INTS1: variants seen among roughly 807,000 people sequenced by gnomAD.
INTS1 encodes the protein integrator complex subunit 1.
In INTS1, 137 loss-of-function variants were observed where a neutral mutation model predicts 241.6. The observed-to-expected ratio is 0.57, with a 90% CI of 0.49 to 0.65. The LOEUF (loss-of-function observed/expected upper bound fraction) is 0.65, where lower values mean the gene tolerates loss of function less well. Among genes scored for constraint, INTS1 ranks in the 30% least tolerant of loss-of-function variants. The pLI is 0.00. For missense variants in INTS1, 3,073 were observed against 3,032.2 expected (o/e 1.01, Z -0.32); for synonymous variants, 1,692 against 1,337.8 (o/e 1.26, Z -5.78).
intron 14 of INTS1, chr7:1,494,383 A>G: frequency 4.1e-6 from 1 of 245,560 alleles, no homozygotes; most frequent in Non-Finnish European, 8.0e-6. Context: ...AGGGGAGTGT[A>G]GACCAAGAAC....
At chr7:1,486,547 G>A in intron 22 of INTS1, 78 bp downstream of exon 22, 3 of 1,490,062 alleles carry the variant, frequency 2.0e-6, no homozygotes, top group East Asian at 2.5e-5. Flanking sequence ...TGACAGGCGT[G>A]AGCCACCGTG....
At position 1,497,370 on chromosome 7, in the gene INTS1, G is replaced by A. The variant is rs1782915058; in HGVS notation, c.1426-56C>T. On this transcript the variant is annotated intron_variant, in intron 10 of 47. Transcript: ENST00000404767. This position sits in a 1 kb window ranked among gnomAD's most constrained non-coding sequence, Gnocchi z 5.3. ...GCCCGACAGTGCTGTCCCTGTCACA[G>A]GCCCCTTCCCGCAGCACCAACAGGT... 1.3e-6 allele frequency: 2 copies of A among 1,549,028 alleles called. No individual in the cohort carries two copies. Among genetic ancestry groups the A allele is most frequent in the Non-Finnish European group, 1.7e-6 (2 of 1,145,220 alleles).
Position 1,486,715 on chromosome 7 carries a change from C to T in INTS1, c.2886G>A (p.Lys962=), listed in dbSNP as rs765006028. Residue 962 remains lysine, a synonymous_variant, in exon 22 of 48, where the codon AAG becomes AAA. Coordinates refer to ENST00000404767, the MANE Select transcript of INTS1 (RefSeq NM_001080453.3). ...CCTCACACGTGGTCTGCTCATCAGCCTTCGGGCCCAGTAGCAGGTCCTGCA... is the reference window on the plus strand; with the variant it reads ...CCTCACACGTGGTCTGCTCATCAGCTTTCGGGCCCAGTAGCAGGTCCTGCA... The part of the protein sequence containing the change: ...GRLQDLLLGP[K]ADEQTTCEVL... The T allele has an allele frequency of 6.2e-7, 1 of 1,612,738 alleles. No individual in the cohort carries two copies. The highest frequency in any genetic ancestry group is 1.1e-5 in the South Asian group (1 of 91,086).
rs1420223757 is a variant in INTS1, at chr7:1,500,289, A to G, written c.427T>C (p.Cys143Arg). 5 of 1,596,342 alleles carry G rather than the reference A, an allele frequency of 3.1e-6. No individual in the cohort carries two copies. In the African/African-American group the frequency reaches 5.4e-5, roughly 17 times the overall value. The change falls in exon 4 of 48, where the codon TGC (cysteine) becomes CGC (arginine). Residue 143 changes from cysteine to arginine, a missense_variant. Physicochemically the swap from Cys to Arg is radical, Grantham distance 180. Transcript: ENST00000404767. ...ACCTTCAGCTGCTTCACGGCCCCGC[A>G]CAGCACGCCCTCGATCCTGTCATCG... ...GNDDRIEGVL[C>R]GAVKQLKVTR...
chr7:1,476,774 G>A lies in INTS1; in HGVS notation c.5063+20C>T. ...GGCCAGTATGCGCGCAGCCCAGGTT[G>A]GGGACAGGGAGGCGCCCACCTCTGT... is the stretch of plus-strand genomic sequence containing the variant. On this transcript the variant is annotated intron_variant, in intron 36 of 47. Transcript: ENST00000404767. 1 of 1,612,664 alleles carries A rather than the reference G, an allele frequency of 6.2e-7. No individual in the cohort carries two copies.
Position 1,470,353 on chromosome 7 carries a change from G to A in INTS1, c.*224C>T. On this transcript the variant is annotated 3_prime_UTR_variant, in exon 48 of 48. Coordinates refer to ENST00000404767, the MANE Select transcript of INTS1 (RefSeq NM_001080453.3). ...TCCGCCGCTCCGCGGCAGGGCTGTG[G>A]CCCAGAAGGTGAATGAGGGCTTGCT... is the stretch of plus-strand genomic sequence containing the variant. The A allele has an allele frequency of 2.0e-6, 1 of 497,812 alleles. No individual in the cohort carries two copies. 30.8% of individuals were successfully genotyped at this position (497,812 alleles called of 1,614,324 possible).
At chr7:1,473,246 G>T in intron 42 of INTS1, 62 bp from the exon 43 acceptor site, 1 of 1,232,346 alleles carries the variant, frequency 8.1e-7, no homozygotes, top group Admixed American at 1.8e-5. Context: ...GCTGGGTCAG[G>T]GGTCAAACTA....
chr7:1,488,017 G>C, intron 18 of INTS1, 60 bp from the exon 19 acceptor site: 1 of 1,562,780 alleles, frequency 6.4e-7, no homozygotes, highest in Non-Finnish European at 8.8e-7. Context: ...CTCCCAGTGG[G>C]CCACGCTCAG....
rs370948278 is a variant in INTS1 at position 1,478,382 on chromosome 7, C to T, written c.4614G>A (p.Pro1538=). The T allele has an allele frequency of 1.9e-5, 30 of 1,612,478 alleles. No homozygotes were observed. The highest frequency in any genetic ancestry group is 1.6e-4 in the Middle Eastern group (1 of 6,076). The change falls in exon 33 of 48, where the codon CCG becomes CCA. Residue 1538 remains proline (P), a synonymous_variant. Transcript: ENST00000404767. ...LRSGEQCSVE[P]DLISKVLQGL... is the part of the protein sequence containing the mutation. The stretch of plus-strand genomic sequence containing the variant: ...GGAAGGTACCTTTGCTGATCAGGTC[C>T]GGCTCCACGCTGCACTGCTCCCCAG...
intron 46 of INTS1, 79 bp downstream of exon 46, chr7:1,471,042 AGCCTGGTCTGGC>A: frequency 6.6e-7 from 1 of 1,510,078 alleles, no homozygotes; most frequent in Non-Finnish European, 9.0e-7. Context: ...GCCGCCTGGA[AGCCTGGTCTGGC>A]CACCAGGCGG....
chr7:1,495,092 C>T (rs943680050), intron 13 of INTS1, among the ~76,000 whole-genome samples, 199 bp from the exon 14 acceptor site: 10 of 140,482 alleles, frequency 7.1e-5, no homozygotes, highest in African/African-American at 2.9e-4. Context: ...GCACAGCGGC[C>T]GAACGGGGCT....
At position 1,476,304 on chromosome 7, in the gene INTS1, C is replaced by A; in HGVS notation, c.5303G>T (p.Cys1768Phe). The change falls in exon 38 of 48, where the codon TGC becomes TTC. Residue 1768 changes from cysteine to phenylalanine, a missense_variant. Physicochemically the swap from Cys to Phe is radical, Grantham distance 205. Transcript: ENST00000404767. The part of the protein sequence containing the change: ...IQARLPLLLS[C>F]CCGDDESVRK... ...GACACTCTCATCGTCCCCACAGCAG[C>A]AGCTGAGCAGCAGGGGCAGCCGGGC... 1 of 1,587,800 alleles carries A rather than the reference C, an allele frequency of 6.3e-7. No homozygotes were observed. The highest frequency in any genetic ancestry group is 1.8e-5 in the Admixed American group (1 of 56,556).
intron 19 of INTS1, 21 bp downstream of exon 19, chr7:1,487,739 G>A (rs375130082): frequency 4.4e-5 from 70 of 1,603,664 alleles, no homozygotes; most frequent in South Asian, 8.8e-5. Flanking sequence ...GGCGCAGGGC[G>A]GGGCTGTGTG....
chr7:1,500,140 C>T, intron 4 of INTS1, 30 bp downstream of exon 4: 1 of 1,579,646 alleles, frequency 6.3e-7, no homozygotes, highest in Non-Finnish European at 8.6e-7. Context: ...CCCAGCGCTG[C>T]TCGCCTCCTG....
chr7:1,476,151 G>C, intron 38 of INTS1, 78 bp downstream of exon 38: 1 of 1,524,830 alleles, frequency 6.6e-7, no homozygotes, highest in Non-Finnish European at 8.8e-7. Flanking sequence ...GGCGTGATGG[G>C]AACCCACCCA....
rs1424601862 is a variant in INTS1, at chr7:1,481,352, G to A, written c.3840C>T (p.Ile1280=). The change falls in exon 28 of 48, where the codon ATC becomes ATT. Residue 1280 remains isoleucine (I), a synonymous_variant. Coordinates refer to ENST00000404767, the MANE Select transcript of INTS1 (RefSeq NM_001080453.3). The surrounding 1 kb of genome is among the most constrained non-coding windows in gnomAD (Gnocchi z 6.8). ...AHDPQTLEQN[I]MDKNYMAHLV... is the part of the protein sequence containing the mutation. ...TCCCTGGCATCTTACTCTTGTCCAT[G>A]ATGTTCTGCTCCAGAGTCTGGGGGT... The A allele has an allele frequency of 6.2e-7, 1 of 1,612,960 alleles. No homozygotes were observed. Among genetic ancestry groups the A allele is most frequent in the Non-Finnish European group, 8.5e-7 (1 of 1,179,750 alleles).
chr7:1,499,223 C>T, intron 7 of INTS1, 32 bp downstream of exon 7: 1 of 1,607,382 alleles, frequency 6.2e-7, no homozygotes, highest in Non-Finnish European at 8.5e-7. Context: ...CCCCCGCCGC[C>T]CCCAACTGGG....
In INTS1 at chr7:1,484,111, G is replaced by A. The variant is rs1366843361; in HGVS notation, c.3321C>T (p.Leu1107=). Reference sequence around the variant, plus strand: ...CGGCGTCCGACGCGGCACTCGGGGAGAGCTTCGAGAAGAGGTGGGACATGA... The same window carrying A: ...CGGCGTCCGACGCGGCACTCGGGGAAAGCTTCGAGAAGAGGTGGGACATGA... The part of the protein sequence containing the change: ...STIMSHLFSK[L]SPSAASDAVL... The change falls in exon 25 of 48, where the codon CTC becomes CTT. Residue 1107 remains leucine (L), a synonymous_variant. Transcript: ENST00000404767. The A allele has an allele frequency of 6.2e-7, 1 of 1,612,530 alleles. No individual in the cohort carries two copies. The highest frequency in any genetic ancestry group is 8.5e-7 in the Non-Finnish European group (1 of 1,179,772).
At chr7:1,485,673 C>A in intron 22 of INTS1, 2 of 602,724 alleles carry the variant, frequency 3.3e-6, no homozygotes, top group Non-Finnish European at 2.9e-6. Flanking sequence ...TGAAGCCACT[C>A]TGGACCCTCC....
Sources: allele counts gnomAD v4.1 joint callset (sites outside exome capture counted in the v4.1 genomes callset), GRCh38; gene constraint gnomAD v4.1.1; non-coding constraint Gnocchi (gnomAD v3.1); transcripts MANE v1.5; gene names NCBI Gene and HGNC (gene_info 2026-07-23, HGNC 2026-07-21).